SMPD3: variants seen among roughly 807,000 people sequenced by gnomAD.
SMPD3 encodes the protein nSMase-2.
SMPD3 carries 21 observed loss-of-function variants against 55.7 expected under a neutral mutation model. That is an observed-to-expected ratio of 0.38 (90% confidence interval 0.27 to 0.54). The LOEUF (loss-of-function observed/expected upper bound fraction) is 0.54. Among genes scored for constraint, SMPD3 ranks in the 20% least tolerant of loss-of-function variants. The probability of loss-of-function intolerance (pLI) is 0.80; values close to 1 mark genes in which losing one functional copy is unlikely to be tolerated. For synonymous variants in SMPD3, 457 were observed against 404.3 expected (o/e 1.13, Z -1.56); for missense variants, 842 against 899.6 (o/e 0.94, Z 0.82).
In SMPD3 at chr16:68,361,515, G is replaced by A. The variant is rs959088365; in HGVS notation, c.1866+88C>T. The stretch of plus-strand genomic sequence containing the variant: ...ATTGTAAGAGTGGCCTGGGGCGTGG[G>A]GTTTCAGGGAGCGGCTGTCGAGAGC... On this transcript the variant is annotated intron_variant, in intron 8 of 8. Coordinates refer to ENST00000219334, the MANE Select transcript of SMPD3 (RefSeq NM_018667.4). 2.6e-6 allele frequency: 4 copies of A among 1,548,634 alleles called. No homozygotes were observed. In the African/African-American group the frequency reaches 4.1e-5, roughly 16 times the overall value.
chr16:68,399,786 G>C (rs531899721), intron 1 of SMPD3, among the ~76,000 whole-genome samples: 5 of 152,344 alleles, frequency 3.3e-5, no homozygotes, highest in African/African-American at 1.2e-4. Context: ...GCCAGGTATG[G>C]ACTTTGCTTC....
chr16:68,373,673 G>C (rs1175043362), intron 2 of SMPD3, among the ~76,000 whole-genome samples: 2 of 152,142 alleles, frequency 1.3e-5, no homozygotes, highest in Non-Finnish European at 2.9e-5. Context: ...CCCCTGCACC[G>C]GCCTGGGACT....
intron 7 of SMPD3, 71 bp from the exon 8 acceptor site, chr16:68,361,830 G>A (rs2089286802): frequency 2.7e-6 from 4 of 1,487,162 alleles, no homozygotes; most frequent in Admixed American, 1.8e-5. Context: ...GCTGTGTGTG[G>A]AGCCATGGTC....
intron 1 of SMPD3, among the ~76,000 whole-genome samples, chr16:68,430,333 C>T (rs2090469487): frequency 6.6e-6 from 1 of 152,228 alleles, no homozygotes; most frequent in Non-Finnish European, 1.5e-5. Flanking sequence ...GCAGATGCTT[C>T]CTACCTCCTC....
intron 1 of SMPD3, among the ~76,000 whole-genome samples, chr16:68,390,217 T>A (rs1056112028): frequency 1.3e-5 from 2 of 152,242 alleles, no homozygotes; most frequent in Non-Finnish European, 2.9e-5. Flanking sequence ...AATTAGCATA[T>A]AATGAGCAGT....
Position 68,361,859 on chromosome 16 carries a change from G to A in SMPD3, c.1710-100C>T, listed in dbSNP as rs764477262. 389 of 1,279,700 alleles carry A rather than the reference G, an allele frequency of 3.0e-4. 4 individuals carry two copies. Among genetic ancestry groups the A allele is most frequent in the Non-Finnish European group, 3.7e-4 (352 of 948,084 alleles). 79.3% of individuals were successfully genotyped at this position (1,279,700 alleles called of 1,614,324 possible). On this transcript the variant is annotated intron_variant, in intron 7 of 8. Coordinates refer to ENST00000219334, the MANE Select transcript of SMPD3 (RefSeq NM_018667.4). The stretch of plus-strand genomic sequence containing the variant: ...CATGGTCTCCTCCCAGTGTGGGAGC[G>A]GGTGGGTGGGACCAAAGCGCTGGGT...
At chr16:68,390,032 C>T (rs767933092) in intron 1 of SMPD3, among the ~76,000 whole-genome samples, 22 of 152,116 alleles carry the variant, frequency 1.4e-4, no homozygotes, top group Non-Finnish European at 1.6e-4. Context: ...GTGTGCTAAA[C>T]GAGGGGTGGA....
chr16:68,409,428 T>C (rs2090280610), intron 1 of SMPD3, among the ~76,000 whole-genome samples: 1 of 151,996 alleles, frequency 6.6e-6, no homozygotes, highest in African/African-American at 2.4e-5. Context: ...CCTGCCAGAG[T>C]TGGGATTTGG....
At chr16:68,430,597 A>G (rs187556649) in intron 1 of SMPD3, among the ~76,000 whole-genome samples, 1 of 152,222 alleles carries the variant, frequency 6.6e-6, no homozygotes, top group East Asian at 1.9e-4. Flanking sequence ...CCTATGAAGA[A>G]GCACTGGGCT....
chr16:68,417,320 C>T (rs147344699), intron 1 of SMPD3, among the ~76,000 whole-genome samples: 6 of 152,214 alleles, frequency 3.9e-5, no homozygotes, highest in Non-Finnish European at 7.4e-5. Context: ...TCAACAAATT[C>T]GCACACACTC....
chr16:68,372,858 G>T (rs2089708690), intron 2 of SMPD3, among the ~76,000 whole-genome samples: 1 of 152,226 alleles, frequency 6.6e-6, no homozygotes, highest in African/African-American at 2.4e-5. Flanking sequence ...TGGAGTGCCT[G>T]CCAGCTAAGG....
chr16:68,387,671 C>G (rs988480344), intron 1 of SMPD3, among the ~76,000 whole-genome samples: 1 of 152,244 alleles, frequency 6.6e-6, no homozygotes, highest in Non-Finnish European at 1.5e-5. Context: ...CCAGCACAGC[C>G]AGGGCTGTCC....
rs1366113837 is a variant in SMPD3 at position 68,358,950 on chromosome 16, GGCCTGGGGGCC to G, written c.*2245_*2255del. The G allele has an allele frequency of 6.6e-6, 1 of 152,624 alleles. No homozygotes were observed. Among genetic ancestry groups the G allele is most frequent in the Admixed American group, 6.5e-5 (1 of 15,294 alleles). The allele number at this position is 152,624 out of a possible 1,614,324, so 9.5% of individuals were successfully genotyped here. A position where few individuals can be genotyped will look rare whatever the true frequency, so the allele number is the denominator to read the frequency against. Reference sequence around the variant, plus strand: ...CTTGGTGCTGAGGGAGGTGTGCGGGGGCCTGGGGGCCGCACATCCTTACTCTGGACCCCAGG... The same window carrying G: ...CTTGGTGCTGAGGGAGGTGTGCGGGGGCACATCCTTACTCTGGACCCCAGG... On this transcript the variant is annotated 3_prime_UTR_variant, in exon 9 of 9. Transcript: ENST00000219334.
chr16:68,414,685 C>T (rs1462259726), intron 1 of SMPD3, among the ~76,000 whole-genome samples: 1 of 152,244 alleles, frequency 6.6e-6, no homozygotes, highest in Non-Finnish European at 1.5e-5. Flanking sequence ...GCCAACAGGG[C>T]ATGGCATGAG....
intron 1 of SMPD3, among the ~76,000 whole-genome samples, chr16:68,428,434 C>A (rs1321879210): frequency 3.3e-5 from 5 of 152,198 alleles, no homozygotes; most frequent in African/African-American, 1.2e-4. Context: ...CCCCATTCTG[C>A]AGATTTGCAG....
chr16:68,417,593 A>G (rs986263106), intron 1 of SMPD3, among the ~76,000 whole-genome samples: 21 of 152,184 alleles, frequency 1.4e-4, no homozygotes, highest in African/African-American at 5.1e-4. Flanking sequence ...GATTGTGTTT[A>G]TGATACAAAC....
intron 1 of SMPD3, among the ~76,000 whole-genome samples, chr16:68,429,024 T>C (rs555245802): frequency 1.3e-5 from 2 of 152,228 alleles, no homozygotes; most frequent in Non-Finnish European, 2.9e-5. Context: ...AGATGACCCC[T>C]CTCTGCTGGC....
intron 1 of SMPD3, among the ~76,000 whole-genome samples, chr16:68,402,264 C>T (rs2090215028): frequency 6.6e-6 from 1 of 152,158 alleles, no homozygotes; most frequent in South Asian, 2.1e-4. Flanking sequence ...TTTCTCTCCT[C>T]TATAAAATGG....
chr16:68,375,626 A>G (rs556748925), intron 2 of SMPD3, among the ~76,000 whole-genome samples: 2 of 148,876 alleles, frequency 1.3e-5, no homozygotes, highest in African/African-American at 5.0e-5. Flanking sequence ...TAGAGGAGAG[A>G]GACTCTCTCC....
Sources: allele counts gnomAD v4.1 joint callset (sites outside exome capture counted in the v4.1 genomes callset), GRCh38; gene constraint gnomAD v4.1.1; transcripts MANE v1.5; gene names NCBI Gene and HGNC (gene_info 2026-07-23, HGNC 2026-07-21).